The following ADAMTSL1 variants were observed in gnomAD, a reference collection of about 807,000 sequenced individuals.
ADAMTSL1 encodes ADAMTS-like protein 1.
In ADAMTSL1, 126 loss-of-function variants were observed where a neutral mutation model predicts 201.8. That is an observed-to-expected ratio of 0.62 (90% CI 0.54 to 0.72). ADAMTSL1 has a LOEUF of 0.72. Among genes scored for constraint, ADAMTSL1 ranks in the 30% least tolerant of loss-of-function variants. ADAMTSL1 has a pLI of 0.00. For missense variants in ADAMTSL1, 2,679 were observed against 2,277.8 expected, an observed-to-expected ratio of 1.18 and a Z score of -3.59; for synonymous variants, 1,121 against 903.4, an observed-to-expected ratio of 1.24 and a Z score of -4.32.
chr9:18,229,043 A>G (rs72684935), intron 2 of ADAMTSL1, among the ~76,000 whole-genome samples: 4,980 of 152,180 alleles, frequency 0.033, 124 homozygotes, highest in Non-Finnish European at 0.053. Context: ...CAAAAATTTA[A>G]CATGGGTAAT....
intron 23 of ADAMTSL1, among the ~76,000 whole-genome samples, chr9:18,881,746 A>G (rs954014444): frequency 6.6e-6 from 1 of 152,226 alleles, no homozygotes; most frequent in African/African-American, 2.4e-5. Context: ...GAAGTGCAAT[A>G]AAGCAAAGTA....
At chr9:18,045,223 G>A (rs763750971) in intron 1 of ADAMTSL1, among the ~76,000 whole-genome samples, 10 of 152,156 alleles carry the variant, frequency 6.6e-5, no homozygotes, top group Non-Finnish European at 1.2e-4. Flanking sequence ...TTGCCAGAAA[G>A]TAGGATTATA....
chr9:18,657,166 G>A (rs142080168), intron 7 of ADAMTSL1, among the ~76,000 whole-genome samples: 32 of 152,268 alleles, frequency 2.1e-4, no homozygotes, highest in Non-Finnish European at 4.1e-4. Flanking sequence ...CCCAATATGT[G>A]TCTCTGAATG....
chr9:18,020,248 A>G (rs1424624361), intron 1 of ADAMTSL1, among the ~76,000 whole-genome samples: 3 of 152,070 alleles, frequency 2.0e-5, no homozygotes, highest in Non-Finnish European at 4.4e-5. Context: ...GTCCCCATCT[A>G]CTGGCATCAT....
chr9:18,177,852 C>A (rs1376580525), intron 2 of ADAMTSL1, among the ~76,000 whole-genome samples: 1 of 152,172 alleles, frequency 6.6e-6, no homozygotes, highest in African/African-American at 2.4e-5. Flanking sequence ...AGAATGGGTA[C>A]TGGAGTGAGC....
chr9:18,020,337 A>G (rs1438990708), intron 1 of ADAMTSL1, among the ~76,000 whole-genome samples: 1 of 152,050 alleles, frequency 6.6e-6, no homozygotes, highest in East Asian at 1.9e-4. Context: ...GTTACTACCA[A>G]ACTTAGGTTG....
chr9:18,677,120 G>A (rs569773744), intron 10 of ADAMTSL1, among the ~76,000 whole-genome samples: 1 of 151,870 alleles, frequency 6.6e-6, no homozygotes, highest in Admixed American at 6.6e-5. Context: ...TATGTCTAGT[G>A]ACTGGCAGGG....
At chr9:18,318,546 T>A (rs1235571009) in intron 2 of ADAMTSL1, among the ~76,000 whole-genome samples, 3 of 152,198 alleles carry the variant, frequency 2.0e-5, no homozygotes, top group Non-Finnish European at 4.4e-5. Flanking sequence ...AAAAACATTT[T>A]AGCAACCTGA....
At chr9:18,162,336 CAT>C (rs1447000494) in intron 1 of ADAMTSL1, among the ~76,000 whole-genome samples, 1 of 151,972 alleles carries the variant, frequency 6.6e-6, no homozygotes, top group Non-Finnish European at 1.5e-5. Context: ...TTTACATACT[CAT>C]GTGATTACAT....
intron 2 of ADAMTSL1, among the ~76,000 whole-genome samples, chr9:18,441,593 A>G (rs1819997235): frequency 6.6e-6 from 1 of 152,216 alleles, no homozygotes; most frequent in Non-Finnish European, 1.5e-5. Flanking sequence ...AGAAAATACA[A>G]ACAAAGCTAA....
chr9:18,407,434 A>G (rs927366369), intron 2 of ADAMTSL1, among the ~76,000 whole-genome samples: 4 of 152,234 alleles, frequency 2.6e-5, no homozygotes, highest in Non-Finnish European at 5.9e-5. Flanking sequence ...TGAATCCTGG[A>G]ATGAATGAGA....
chr9:18,594,713 C>T (rs575064020), intron 4 of ADAMTSL1, among the ~76,000 whole-genome samples: 1 of 152,062 alleles, frequency 6.6e-6, no homozygotes, highest in Non-Finnish European at 1.5e-5. Flanking sequence ...TTTGAATGAA[C>T]TCTCTGTCTC....
chr9:18,155,715 G>A (rs1258977047), intron 1 of ADAMTSL1, among the ~76,000 whole-genome samples: 1 of 152,022 alleles, frequency 6.6e-6, no homozygotes, highest in Non-Finnish European at 1.5e-5. Flanking sequence ...GAAGAGAGGA[G>A]CCCTAACAGA....
Position 18,105,727 on chromosome 9 carries a change from T to A in ADAMTSL1, c.88-58135T>A, listed in dbSNP as rs867409597. Among the ~76,000 whole-genome samples the A allele has an allele frequency of 1.1e-4, 16 of 152,200 alleles. 1 individual carries two copies. The highest frequency in any genetic ancestry group is 3.6e-4 in the African/African-American group (15 of 41,448). On this transcript the variant is annotated intron_variant, in intron 1 of 29. Transcript: ENST00000680146. ...GAAGATGTTGTAGAAAGATACAACC[T>A]CACTAGAATGTATACATAGACATAC...
intron 1 of ADAMTSL1, among the ~76,000 whole-genome samples, chr9:17,933,952 T>A (rs7866746): frequency 0.22 from 34,224 of 152,126 alleles, 4,027 homozygotes; most frequent in Middle Eastern, 0.28. Context: ...GTGGGCTGTT[T>A]GGTTCAAATC....
intron 2 of ADAMTSL1, among the ~76,000 whole-genome samples, chr9:18,282,989 C>CTTCTGTACCTT (rs1369801988): frequency 6.6e-6 from 1 of 152,174 alleles, no homozygotes; most frequent in East Asian, 1.9e-4. Flanking sequence ...GTTTTTAAAT[C>CTTCTGTACCTT]TTCTGTACCT....
At chr9:18,521,567 A>G (rs1230656752) in intron 2 of ADAMTSL1, among the ~76,000 whole-genome samples, 1 of 152,088 alleles carries the variant, frequency 6.6e-6, no homozygotes, top group African/African-American at 2.4e-5. Flanking sequence ...GCATACTGGA[A>G]CATGTCTAAT....
intron 2 of ADAMTSL1, among the ~76,000 whole-genome samples, chr9:18,406,797 T>C (rs1303757769): frequency 6.6e-6 from 1 of 152,218 alleles, no homozygotes; most frequent in Non-Finnish European, 1.5e-5. Flanking sequence ...GAACCCTGGA[T>C]ACAGAATGAA....
At chr9:18,506,830 G>A (rs368941522) in intron 2 of ADAMTSL1, among the ~76,000 whole-genome samples, 3 of 152,032 alleles carry the variant, frequency 2.0e-5, no homozygotes, top group African/African-American at 7.2e-5. Context: ...TGGGGCGGAG[G>A]TTGACTACCC....
Sources: gnomAD v4.1 joint callset for allele counts (sites outside exome capture counted in the v4.1 genomes callset) on GRCh38, gnomAD v4.1.1 for gene constraint, MANE v1.5 for transcripts, NCBI Gene and HGNC (gene_info 2026-07-23, HGNC 2026-07-21) for gene names.